Variants in ITGA9 observed in about 807,000 individuals in gnomAD.
The protein encoded by ITGA9 is integrin subunit alpha 9.
In ITGA9, 56 loss-of-function variants were observed where a neutral mutation model predicts 127.8. The observed-to-expected ratio is 0.44, with a 90% CI of 0.35 to 0.55. ITGA9 has a LOEUF of 0.55. Ranked by LOEUF, ITGA9 falls within the 20% of genes least tolerant of loss-of-function variation. The pLI, the probability that ITGA9 is intolerant of heterozygous loss-of-function variation, is 0.00. For synonymous variants in ITGA9, 508 were observed against 514.5 expected, an observed-to-expected ratio of 0.99 and a Z score of 0.17; for missense variants, 1,196 against 1,347.1, an observed-to-expected ratio of 0.89 and a Z score of 1.76.
intron 20 of ITGA9, among the ~76,000 whole-genome samples, chr3:37,740,426 A>G (rs1456888058): frequency 6.6e-6 from 1 of 152,210 alleles, no homozygotes; most frequent in African/African-American, 2.4e-5. Context: ...AATTTAATAA[A>G]GTAATAAAGG....
At chr3:37,582,815 C>G (rs944731968) in intron 15 of ITGA9, among the ~76,000 whole-genome samples, 12 of 152,170 alleles carry the variant, frequency 7.9e-5, no homozygotes, top group Non-Finnish European at 1.8e-4. Context: ...TTCCACAACC[C>G]ACAAAAGAAG....
chr3:37,810,607 G>A (rs547639076), intron 27 of ITGA9, among the ~76,000 whole-genome samples: 1 of 151,946 alleles, frequency 6.6e-6, no homozygotes, highest in East Asian at 1.9e-4. Context: ...GTAGAGACAG[G>A]GTTTCACCAT....
chr3:37,632,304 G>A (rs1364910845), intron 16 of ITGA9, among the ~76,000 whole-genome samples: 1 of 152,124 alleles, frequency 6.6e-6, no homozygotes, highest in Non-Finnish European at 1.5e-5. Flanking sequence ...TTTTTAAAGG[G>A]AGGAATGAAA....
At chr3:37,534,332 G>A (rs1002448687) in intron 14 of ITGA9, among the ~76,000 whole-genome samples, 1 of 152,198 alleles carries the variant, frequency 6.6e-6, no homozygotes, top group African/African-American at 2.4e-5. Context: ...TCACAGTGTA[G>A]CCCCTGGCCT....
Position 37,805,201 on chromosome 3 carries a change from C to T in ITGA9, c.3009+1259C>T, listed in dbSNP as rs116683334. Among the ~76,000 whole-genome samples, 1,032 of 152,018 alleles carry T rather than the reference C, an allele frequency of 6.8e-3. 13 individuals are homozygous for T. The highest frequency in any genetic ancestry group is 0.023 in the African/African-American group (970 of 41,460). On this transcript the variant is annotated intron_variant, in intron 27 of 27. Transcript: ENST00000264741. ...AAGTAGCTGGGACTACAGGCATGCA[C>T]AATGCCTGGCTCATTTTTTTATTTT...
intron 15 of ITGA9, among the ~76,000 whole-genome samples, chr3:37,610,902 T>G (rs910891113): frequency 6.6e-6 from 1 of 152,176 alleles, no homozygotes; most frequent in East Asian, 1.9e-4. Flanking sequence ...GTTTTGTGGA[T>G]AGGTATGACA....
chr3:37,521,396 ACT>A (rs1167171716), intron 11 of ITGA9, among the ~76,000 whole-genome samples: 1 of 151,952 alleles, frequency 6.6e-6, no homozygotes, highest in South Asian at 2.1e-4. Flanking sequence ...TTGCTCTTTA[ACT>A]CTCTCTCGAG....
intron 14 of ITGA9, among the ~76,000 whole-genome samples, chr3:37,541,029 A>G (rs984210467): frequency 4.6e-5 from 7 of 152,236 alleles, no homozygotes; most frequent in Admixed American, 6.5e-5. Flanking sequence ...AGCATCAAAA[A>G]TACGCCCTGT....
chr3:37,668,258 G>A (rs1419937603), intron 17 of ITGA9, among the ~76,000 whole-genome samples: 1 of 152,192 alleles, frequency 6.6e-6, no homozygotes, highest in East Asian at 1.9e-4. Context: ...CATAGAAGAG[G>A]CTGGCCACGT....
chr3:37,739,876 C>T (rs950764172), intron 20 of ITGA9, among the ~76,000 whole-genome samples: 9 of 152,192 alleles, frequency 5.9e-5, no homozygotes, highest in Non-Finnish European at 1.3e-4. Flanking sequence ...CGCCTTTGGC[C>T]TGCCCACAGC....
At chr3:37,619,250 G>A (rs1012138805) in intron 15 of ITGA9, among the ~76,000 whole-genome samples, 1 of 152,194 alleles carries the variant, frequency 6.6e-6, no homozygotes, top group African/African-American at 2.4e-5. Flanking sequence ...TCATCCTGGA[G>A]TGCTAGGGTG....
chr3:37,491,552 C>T (rs1698674169), intron 4 of ITGA9, among the ~76,000 whole-genome samples: 1 of 152,188 alleles, frequency 6.6e-6, no homozygotes, highest in Admixed American at 6.5e-5. Context: ...AGGTCACCCC[C>T]ACCCCTTCCC....
At chr3:37,681,473 CCA>C (rs1700734172) in intron 17 of ITGA9, among the ~76,000 whole-genome samples, 1 of 152,134 alleles carries the variant, frequency 6.6e-6, no homozygotes. Flanking sequence ...AGGCAAGTGC[CCA>C]CACCCTAGTG....
chr3:37,467,442 CTGGAG>C, intron 1 of ITGA9, among the ~76,000 whole-genome samples: 1 of 152,170 alleles, frequency 6.6e-6, no homozygotes, highest in African/African-American at 2.4e-5. Flanking sequence ...TGGCTCTAGG[CTGGAG>C]GAAGCAGTGC....
intron 18 of ITGA9, among the ~76,000 whole-genome samples, chr3:37,717,034 G>T (rs6783670): frequency 0.034 from 5,124 of 152,288 alleles, 211 homozygotes; most frequent in South Asian, 0.13. Context: ...CACACTAAGA[G>T]ACAGCCTGTG....
At chr3:37,647,756 C>T (rs974277928) in intron 16 of ITGA9, among the ~76,000 whole-genome samples, 11 of 152,082 alleles carry the variant, frequency 7.2e-5, no homozygotes, top group African/African-American at 2.2e-4. Flanking sequence ...ACTTGTTTCA[C>T]TTAGCATAAT....
intron 1 of ITGA9, among the ~76,000 whole-genome samples, chr3:37,454,832 C>T (rs987015707): frequency 2.6e-5 from 4 of 151,860 alleles, no homozygotes; most frequent in African/African-American, 9.7e-5. Flanking sequence ...TGTCTTAGAC[C>T]TTGAATGTAT....
At chr3:37,553,200 C>G (rs1001670654) in intron 15 of ITGA9, among the ~76,000 whole-genome samples, 1 of 152,148 alleles carries the variant, frequency 6.6e-6, no homozygotes, top group Non-Finnish European at 1.5e-5. Flanking sequence ...GCCCCCTTAT[C>G]CCTAACATCA....
At chr3:37,600,211 G>A (rs977543384) in intron 15 of ITGA9, among the ~76,000 whole-genome samples, 6 of 152,076 alleles carry the variant, frequency 3.9e-5, no homozygotes, top group African/African-American at 1.2e-4. Flanking sequence ...TATTGTATAC[G>A]AGACTCTGTT....
Sources: allele counts gnomAD v4.1 joint callset (sites outside exome capture counted in the v4.1 genomes callset), GRCh38; gene constraint gnomAD v4.1.1; transcripts MANE v1.5; gene names NCBI Gene and HGNC (gene_info 2026-07-23, HGNC 2026-07-21).